Variants in PRKCB observed in about 807,000 individuals in gnomAD.
PRKCB encodes protein kinase C beta type.
In PRKCB, 13 loss-of-function variants were observed where a neutral mutation model predicts 81.5. The ratio of observed to expected loss-of-function variants is 0.16; its 90% CI spans 0.10 to 0.25. The LOEUF (loss-of-function observed/expected upper bound fraction) is 0.25. Among genes scored for constraint, PRKCB ranks in the 10% least tolerant of loss-of-function variants. The pLI, the probability that PRKCB is intolerant of heterozygous loss-of-function variation, is 1.00. For synonymous variants in PRKCB, 335 were observed against 321.4 expected (o/e 1.04, Z -0.45); for missense variants, 509 against 875.7 (o/e 0.58, Z 5.29).
At chr16:24,093,011 AG>A in intron 6 of PRKCB, 64 bp downstream of exon 6, 5 of 1,522,504 alleles carry the variant, frequency 3.3e-6, no homozygotes, top group Non-Finnish European at 3.6e-6. Context: ...ACCTGAAATC[AG>A]GGAGTTCCTC....
At chr16:24,143,536 G>A (rs1462151123) in intron 9 of PRKCB, among the ~76,000 whole-genome samples, 1 of 152,124 alleles carries the variant, frequency 6.6e-6, no homozygotes, top group African/African-American at 2.4e-5. Context: ...GCAGGGATGG[G>A]AGAGGGAGCT....
In PRKCB at chr16:23,864,645, G is replaced by A. The variant is rs367583864; in HGVS notation, c.205+27239G>A. 1.9e-4 allele frequency among the ~76,000 whole-genome samples: 29 copies of A among 152,312 alleles called. 1 individual carries two copies. The South Asian group carries it at 4.4e-3, about 23-fold the overall frequency. On this transcript the variant is annotated intron_variant, in intron 2 of 16. Coordinates refer to ENST00000643927, the MANE Select transcript of PRKCB (RefSeq NM_002738.7). Reference sequence around the variant, plus strand: ...GAGTTGCTGTGATCAAACAGGAAACGGAAGGTGGAGTTTGCTTCTGTATCC... The same window carrying A: ...GAGTTGCTGTGATCAAACAGGAAACAGAAGGTGGAGTTTGCTTCTGTATCC...
chr16:24,061,295 A>T (rs1219218739), intron 5 of PRKCB, among the ~76,000 whole-genome samples: 2 of 152,184 alleles, frequency 1.3e-5, no homozygotes, highest in East Asian at 3.9e-4. Flanking sequence ...TCCTGAGCTC[A>T]AGTGATCTGC....
At chr16:23,916,052 A>T (rs1218478279) in intron 2 of PRKCB, among the ~76,000 whole-genome samples, 2 of 151,642 alleles carry the variant, frequency 1.3e-5, no homozygotes, top group African/African-American at 4.8e-5. Context: ...CTTTTCTTTA[A>T]TTTTAATTTT....
chr16:23,882,049 C>CCTTCCTTCCTTT, intron 2 of PRKCB, among the ~76,000 whole-genome samples: 1 of 73,246 alleles, frequency 1.4e-5, no homozygotes, highest in East Asian at 7.0e-4. Flanking sequence ...TTCCTTCCTT[C>CCTTCCTTCCTTT]CTTCCTTCTT....
At position 23,889,160 on chromosome 16, in the gene PRKCB, A is replaced by G. The variant is rs562666380; in HGVS notation, c.205+51754A>G. Among the ~76,000 whole-genome samples, 23 of 93,082 alleles carry G rather than the reference A, an allele frequency of 2.5e-4. No individual in the cohort carries two copies. In the East Asian group the frequency reaches 7.5e-3, roughly 30 times the overall value. 61.1% of individuals were successfully genotyped at this position (93,082 alleles called of 152,430 possible). ...CATCCATCCATCCATCCATCCATCC[A>G]TCCATCCATCCGTCCATCCACATTC... On this transcript the variant is annotated intron_variant, in intron 2 of 16. Coordinates refer to ENST00000643927, the MANE Select transcript of PRKCB (RefSeq NM_002738.7).
chr16:24,160,719 G>A (rs7197180), intron 10 of PRKCB, among the ~76,000 whole-genome samples: 4,699 of 152,192 alleles, frequency 0.031, 252 homozygotes, highest in African/African-American at 0.11. Flanking sequence ...ATGACACAAA[G>A]TAAAGAGGAT....
chr16:24,002,843 C>T (rs1015995824), intron 3 of PRKCB, among the ~76,000 whole-genome samples: 2 of 152,084 alleles, frequency 1.3e-5, no homozygotes, highest in Non-Finnish European at 2.9e-5. Flanking sequence ...CCTCGTTTGC[C>T]CTTCCAATCC....
intron 3 of PRKCB, among the ~76,000 whole-genome samples, chr16:24,004,532 G>A (rs1290054639): frequency 1.3e-5 from 2 of 150,840 alleles, no homozygotes; most frequent in East Asian, 3.9e-4. Context: ...GCATGCACCT[G>A]TAGTCCCAGC....
chr16:23,967,070 C>T (rs746491699), intron 2 of PRKCB, among the ~76,000 whole-genome samples: 6 of 151,604 alleles, frequency 4.0e-5, no homozygotes, highest in Non-Finnish European at 8.8e-5. Context: ...AGTTTGCAGC[C>T]CCTGCCTTAA....
At chr16:24,162,260 G>A (rs1026472030) in intron 10 of PRKCB, among the ~76,000 whole-genome samples, 3 of 151,938 alleles carry the variant, frequency 2.0e-5, no homozygotes, top group Admixed American at 6.6e-5. Context: ...AGGGGTCCTG[G>A]TAACTCGGGC....
chr16:23,935,763 A>G (rs1964049761), intron 2 of PRKCB, among the ~76,000 whole-genome samples: 1 of 152,232 alleles, frequency 6.6e-6, no homozygotes. Flanking sequence ...ATTTTAAGCA[A>G]ATTAGAGCAA....
At chr16:23,969,363 G>A (rs1193969524) in intron 2 of PRKCB, among the ~76,000 whole-genome samples, 1 of 152,048 alleles carries the variant, frequency 6.6e-6, no homozygotes, top group African/African-American at 2.4e-5. Context: ...TAGATTAATG[G>A]CCTTGTACAG....
intron 2 of PRKCB, among the ~76,000 whole-genome samples, chr16:23,908,762 G>T (rs1027366164): frequency 2.0e-5 from 3 of 151,876 alleles, no homozygotes; most frequent in Non-Finnish European, 4.4e-5. Flanking sequence ...TCATGATCCA[G>T]CCGCCTCAGC....
chr16:24,204,942 A>G (rs1252440087), intron 16 of PRKCB, among the ~76,000 whole-genome samples: 1 of 151,942 alleles, frequency 6.6e-6, no homozygotes, highest in African/African-American at 2.4e-5. Flanking sequence ...CAACATAGTG[A>G]AACCCCGTCT....
chr16:24,016,554 A>G (rs900401011), intron 3 of PRKCB, among the ~76,000 whole-genome samples: 3 of 152,180 alleles, frequency 2.0e-5, no homozygotes, highest in African/African-American at 7.2e-5. Flanking sequence ...TATAAATGAC[A>G]ATAACTTTTC....
chr16:23,849,586 T>C (rs1962437997), intron 2 of PRKCB, among the ~76,000 whole-genome samples: 1 of 152,220 alleles, frequency 6.6e-6, no homozygotes, highest in Admixed American at 6.5e-5. Context: ...TTGATAATTG[T>C]TTCTGAGACA....
At chr16:24,167,573 C>T (rs1019289133) in intron 10 of PRKCB, among the ~76,000 whole-genome samples, 1 of 151,212 alleles carries the variant, frequency 6.6e-6, no homozygotes, top group Non-Finnish European at 1.5e-5. Context: ...AAAAAAAAAA[C>T]AAAAAAATTG....
chr16:23,986,947 A>G (rs1203558616), intron 2 of PRKCB, among the ~76,000 whole-genome samples: 2 of 152,220 alleles, frequency 1.3e-5, no homozygotes, highest in South Asian at 2.1e-4. Context: ...GTATCCTCAA[A>G]GATAAGGATT....
Sources: gnomAD v4.1 joint callset for allele counts (sites outside exome capture counted in the v4.1 genomes callset) on GRCh38, gnomAD v4.1.1 for gene constraint, MANE v1.5 for transcripts, NCBI Gene and HGNC (gene_info 2026-07-23, HGNC 2026-07-21) for gene names.